ERBB4: variants seen among roughly 807,000 people sequenced by gnomAD.
ERBB4 encodes erb-b2 receptor tyrosine kinase 4.
ERBB4 carries 42 observed loss-of-function variants against 158.0 expected under a neutral mutation model. The ratio of observed to expected loss-of-function variants is 0.27; its 90% CI spans 0.21 to 0.34. ERBB4 has a LOEUF of 0.34. ERBB4 is among the 10% of genes least tolerant of loss of function. ERBB4 has a pLI of 1.00. For missense variants in ERBB4, 1,333 were observed against 1,624.1 expected (o/e 0.82, Z 3.08); for synonymous variants, 583 against 558.7 (o/e 1.04, Z -0.61).
At chr2:211,578,613 C>A (rs1357384676) in intron 19 of ERBB4, among the ~76,000 whole-genome samples, 1 of 152,022 alleles carries the variant, frequency 6.6e-6, no homozygotes, top group African/African-American at 2.4e-5. Context: ...GACACATAGA[C>A]CAATGGAACA....
In ERBB4 at chr2:211,481,413, C is replaced by T. The variant is rs76584684; in HGVS notation, c.2488-50313G>A. ...TGAATTTTTTACAGCATTCTAAAGGCAGGGTAAAGTTAACACAGCACTAGT... is the reference window on the plus strand; with the variant it reads ...TGAATTTTTTACAGCATTCTAAAGGTAGGGTAAAGTTAACACAGCACTAGT... On this transcript the variant is annotated intron_variant, in intron 20 of 27. Coordinates refer to ENST00000342788, the MANE Select transcript of ERBB4 (RefSeq NM_005235.3). Among the ~76,000 whole-genome samples the T allele has an allele frequency of 1.2e-3, 189 of 152,072 alleles. 5 individuals are homozygous for T. In the East Asian group the frequency reaches 0.032, roughly 25 times the overall value.
At chr2:212,293,472 T>C (rs1047300402) in intron 1 of ERBB4, among the ~76,000 whole-genome samples, 14 of 152,008 alleles carry the variant, frequency 9.2e-5, no homozygotes, top group Admixed American at 7.2e-4. Flanking sequence ...CAAACCTTAT[T>C]AAAAATTTAT....
At chr2:212,513,535 T>G (rs1414927285) in intron 1 of ERBB4, among the ~76,000 whole-genome samples, 1 of 152,198 alleles carries the variant, frequency 6.6e-6, no homozygotes, top group Non-Finnish European at 1.5e-5. Context: ...TTTCAAGGCC[T>G]GGCGTGGTGG....
intron 3 of ERBB4, among the ~76,000 whole-genome samples, chr2:211,863,209 T>C (rs890753922): frequency 2.7e-5 from 4 of 150,024 alleles, no homozygotes; most frequent in African/African-American, 1.0e-4. Context: ...CAATCAGTGC[T>C]CTGTGTCTAG....
intron 2 of ERBB4, among the ~76,000 whole-genome samples, chr2:212,066,196 G>T (rs745545491): frequency 2.6e-5 from 4 of 151,886 alleles, no homozygotes; most frequent in Non-Finnish European, 5.9e-5. Context: ...CCTCTGGCTG[G>T]CTCTAACTTG....
chr2:211,994,676 T>C (rs1263460314), intron 2 of ERBB4, among the ~76,000 whole-genome samples: 1 of 152,152 alleles, frequency 6.6e-6, no homozygotes, highest in African/African-American at 2.4e-5. Flanking sequence ...ATTCATCAGT[T>C]TAGACATGCA....
chr2:211,785,816 T>C (rs910577852), intron 4 of ERBB4, among the ~76,000 whole-genome samples: 1 of 152,198 alleles, frequency 6.6e-6, no homozygotes, highest in Non-Finnish European at 1.5e-5. Context: ...TTTTGATAAA[T>C]GTATCTCAAC....
At chr2:212,416,835 G>A (rs1419232699) in intron 1 of ERBB4, among the ~76,000 whole-genome samples, 1 of 151,974 alleles carries the variant, frequency 6.6e-6, no homozygotes, top group Non-Finnish European at 1.5e-5. Flanking sequence ...TTCAAAGCTT[G>A]ACTAATCCAC....
intron 1 of ERBB4, among the ~76,000 whole-genome samples, chr2:212,460,235 C>CT (rs1345578872): frequency 3.3e-5 from 5 of 152,084 alleles, no homozygotes; most frequent in Non-Finnish European, 7.4e-5. Flanking sequence ...TCAGGTATGT[C>CT]TTTATTAGCA....
chr2:212,512,823 A>G (rs1438455631), intron 1 of ERBB4, among the ~76,000 whole-genome samples: 1 of 152,212 alleles, frequency 6.6e-6, no homozygotes, highest in Non-Finnish European at 1.5e-5. Context: ...GAAAGAGGAA[A>G]AAGAAAAGCC....
At chr2:211,867,161 GTATT>G (rs1295160076) in intron 3 of ERBB4, among the ~76,000 whole-genome samples, 1 of 150,646 alleles carries the variant, frequency 6.6e-6, no homozygotes, top group Non-Finnish European at 1.5e-5. Flanking sequence ...CATTTATTAC[GTATT>G]TGTTTGTTTC....
intron 3 of ERBB4, among the ~76,000 whole-genome samples, chr2:211,864,260 G>A (rs1357003800): frequency 6.6e-6 from 1 of 152,012 alleles, no homozygotes; most frequent in Non-Finnish European, 1.5e-5. Flanking sequence ...TCCATCCTTG[G>A]CATCTGGCCC....
rs946772432 is a variant in ERBB4 at position 212,514,283 on chromosome 2, G to A, written c.82+24166C>T. Among the ~76,000 whole-genome samples the A allele has an allele frequency of 3.3e-5, 5 of 151,800 alleles. No homozygotes were observed. The East Asian group carries it at 7.7e-4, about 23-fold the overall frequency. On this transcript the variant is annotated intron_variant, in intron 1 of 27. Coordinates refer to ENST00000342788, the MANE Select transcript of ERBB4 (RefSeq NM_005235.3). Reference sequence around the variant, plus strand: ...TGCCCAACTTTTTCACATGGTAAAAGTATTTTTCACATACTTAAAAGTAGA... The same window carrying A: ...TGCCCAACTTTTTCACATGGTAAAAATATTTTTCACATACTTAAAAGTAGA...
chr2:212,195,405 T>C (rs1169167479), intron 1 of ERBB4, among the ~76,000 whole-genome samples: 1 of 152,174 alleles, frequency 6.6e-6, no homozygotes, highest in East Asian at 1.9e-4. Context: ...CTACTTATAG[T>C]GTATCACATA....
intron 3 of ERBB4, among the ~76,000 whole-genome samples, chr2:211,921,949 C>A (rs188390319): frequency 6.6e-6 from 1 of 152,026 alleles, no homozygotes; most frequent in Non-Finnish European, 1.5e-5. Context: ...ACTCTCAGCA[C>A]GTACCTGTTA....
intron 1 of ERBB4, among the ~76,000 whole-genome samples, chr2:212,298,717 C>G (rs1005648926): frequency 1.7e-4 from 26 of 151,658 alleles, no homozygotes; most frequent in African/African-American, 6.0e-4. Flanking sequence ...AATTAAAGAA[C>G]ATGCTTTTTG....
At chr2:212,238,063 C>T (rs745932925) in intron 1 of ERBB4, among the ~76,000 whole-genome samples, 4 of 152,184 alleles carry the variant, frequency 2.6e-5, no homozygotes, top group Non-Finnish European at 4.4e-5. Flanking sequence ...CCTGGGCTTC[C>T]GCCGCCTTTC....
chr2:211,637,693 A>G (rs769954071), intron 16 of ERBB4, among the ~76,000 whole-genome samples: 30 of 152,022 alleles, frequency 2.0e-4, no homozygotes, highest in Non-Finnish European at 4.1e-4. Context: ...TTTTACATAC[A>G]TTGTATAGTT....
Position 211,591,616 on chromosome 2 carries a change from C to A in ERBB4, c.2301+27561G>T, listed in dbSNP as rs182583065. On this transcript the variant is annotated intron_variant, in intron 19 of 27. Coordinates refer to ENST00000342788, the MANE Select transcript of ERBB4 (RefSeq NM_005235.3). ...CACTCTGTTCTCCAGGCTCCCACAG[C>A]ATGTAATAGGTACCGCTATTATAGC... 1.6e-3 allele frequency among the ~76,000 whole-genome samples: 245 copies of A among 152,352 alleles called. No homozygotes were observed. In the Middle Eastern group the frequency reaches 0.024, roughly 15 times the overall value.
Sources: gnomAD v4.1 joint callset for allele counts (sites outside exome capture counted in the v4.1 genomes callset) on GRCh38, gnomAD v4.1.1 for gene constraint, MANE v1.5 for transcripts, NCBI Gene and HGNC (gene_info 2026-07-23, HGNC 2026-07-21) for gene names.